Variants in FABP5 observed in about 807,000 individuals in gnomAD.
The protein encoded by FABP5 is fatty acid-binding protein 5.
FABP5 carries 7 observed loss-of-function variants against 16.9 expected under a neutral mutation model. The ratio of observed to expected loss-of-function variants is 0.41; its 90% CI spans 0.24 to 0.78. FABP5 has a LOEUF of 0.78. Ranked by LOEUF, FABP5 falls within the 30% of genes least tolerant of loss-of-function variation. The probability of loss-of-function intolerance (pLI) is 0.30; values close to 1 mark genes in which losing one functional copy is unlikely to be tolerated. For missense variants in FABP5, 119 were observed against 159.5 expected (o/e 0.75, Z 1.37); for synonymous variants, 37 against 52.8 (o/e 0.70, Z 1.30).
Position 81,283,439 on chromosome 8 carries a change from C to T in FABP5, c.153C>T (p.Asn51=), listed in dbSNP as rs781160915. Residue 51 remains asparagine (N), a synonymous_variant, in exon 2 of 4, where the codon AAC becomes AAT. Transcript: ENST00000297258. The stretch of plus-strand genomic sequence containing the variant: ...GTATCATCACTTGTGATGGTAAAAA[C>T]CTCACCATAAAAACTGAGAGCACTT... ...PDCIITCDGK[N]LTIKTESTLK... The T allele has an allele frequency of 5.6e-6, 9 of 1,612,232 alleles. No homozygotes were observed. Among genetic ancestry groups the T allele is most frequent in the Non-Finnish European group, 7.6e-6 (9 of 1,178,906 alleles).
chr8:81,282,683 T>C (rs1807850657), intron 1 of FABP5, among the ~76,000 whole-genome samples: 1 of 152,198 alleles, frequency 6.6e-6, no homozygotes, highest in Non-Finnish European at 1.5e-5. Context: ...ACCTATGAAA[T>C]AGTTTTTATA....
intron 3 of FABP5, chr8:81,284,230 C>T (rs1306100231): frequency 3.7e-6 from 2 of 539,396 alleles, no homozygotes; most frequent in Admixed American, 3.3e-5. Context: ...CTTGGCAAGC[C>T]ACCAAACTGC....
Position 81,281,240 on chromosome 8 carries a change from A to G in FABP5, c.79+566A>G. 1.4e-6 allele frequency: 1 copy of G among 713,632 alleles called. No homozygotes were observed. Among genetic ancestry groups the G allele is most frequent in the Non-Finnish European group, 1.7e-6 (1 of 581,222 alleles). The allele number at this position is 713,632 out of a possible 1,614,324, so 44.2% of individuals were successfully genotyped here. On this transcript the variant is annotated intron_variant, in intron 1 of 3. Coordinates refer to ENST00000297258, the MANE Select transcript of FABP5 (RefSeq NM_001444.3). The surrounding 1 kb of genome is among the most constrained non-coding windows in gnomAD (Gnocchi z 4.5). ...GCGGTGCTGGCGCGCAGTTTCCCGC[A>G]GAAATCCTGTGGAGGGGTCTGAGTG...
At position 81,283,960 on chromosome 8, in the gene FABP5, G is replaced by A. The variant is rs75108814; in HGVS notation, c.340G>A (p.Gly114Arg). 1 of 1,607,438 alleles carries A rather than the reference G, an allele frequency of 6.2e-7. No homozygotes were observed. The highest frequency in any genetic ancestry group is 1.3e-5 in the African/African-American group (1 of 74,708). ...CACAATAACAAGAAAATTGAAAGAT[G>A]GGAAATTAGTGGTGGTAAGTGTCAA... ...ESTITRKLKDGKLVVECVMNN... is the reference protein window; with the variant it reads ...ESTITRKLKDRKLVVECVMNN... The change falls in exon 3 of 4, where the codon GGG (glycine) becomes AGG (arginine). Residue 114 changes from glycine to arginine, a missense_variant. By Grantham distance (125) the Gly-to-Arg change is moderately radical. Transcript: ENST00000297258.
chr8:81,284,375 G>A lies in FABP5; in HGVS notation c.355-139G>A, dbSNP rs1043918734. On this transcript the variant is annotated intron_variant, in intron 3 of 3. Coordinates refer to ENST00000297258, the MANE Select transcript of FABP5 (RefSeq NM_001444.3). ...ACAGCTTCTGGCTTCTCTCAAACCC[G>A]TGAATTCTGAAAGAAATTTTCTCCA... 5.6e-5 allele frequency: 34 copies of A among 608,666 alleles called. No homozygotes were observed. The East Asian group carries it at 8.0e-4, about 14-fold the overall frequency. The allele number at this position is 608,666 out of a possible 1,614,324, so 37.7% of individuals were successfully genotyped here. A position where few individuals can be genotyped will look rare whatever the true frequency, so the allele number is the denominator to read the frequency against.
In FABP5 at chr8:81,281,310, C is replaced by G. The variant is rs1239750816; in HGVS notation, c.79+636C>G. 1 of 977,244 alleles carries G rather than the reference C, an allele frequency of 1.0e-6. No individual in the cohort carries two copies. Among genetic ancestry groups the G allele is most frequent in the African/African-American group, 1.8e-5 (1 of 57,058 alleles). The allele number at this position is 977,244 out of a possible 1,614,324, so 60.5% of individuals were successfully genotyped here. A position where few individuals can be genotyped will look rare whatever the true frequency, so the allele number is the denominator to read the frequency against. ...CATTCCTCTGTCAGCCCCGTCTCCCCCAGGTCCTCTGCTCGCCCTTACCAG... is the reference window on the plus strand; with the variant it reads ...CATTCCTCTGTCAGCCCCGTCTCCCGCAGGTCCTCTGCTCGCCCTTACCAG... On this transcript the variant is annotated intron_variant, in intron 1 of 3. Coordinates refer to ENST00000297258, the MANE Select transcript of FABP5 (RefSeq NM_001444.3). The surrounding 1 kb of genome is among the most constrained non-coding windows in gnomAD (Gnocchi z 4.5).
At position 81,281,996 on chromosome 8, in the gene FABP5, C is replaced by T. The variant is rs2131267783; in HGVS notation, c.79+1322C>T. Among the ~76,000 whole-genome samples, 1 of 152,260 alleles carries T rather than the reference C, an allele frequency of 6.6e-6. No individual in the cohort carries two copies. The highest frequency in any genetic ancestry group is 2.4e-5 in the African/African-American group (1 of 41,530). On this transcript the variant is annotated intron_variant, in intron 1 of 3. Coordinates refer to ENST00000297258, the MANE Select transcript of FABP5 (RefSeq NM_001444.3). The surrounding 1 kb of genome is among the most constrained non-coding windows in gnomAD (Gnocchi z 4.5). ...GTCGCCGTGGCACTTCGGAATCACT[C>T]CTTCAGTACCCTTTATCCAAGACCA...
chr8:81,280,604 A>G lies in FABP5; in HGVS notation c.9A>G (p.Thr3=). 1.3e-6 allele frequency: 2 copies of G among 1,555,662 alleles called. No individual in the cohort carries two copies. The highest frequency in any genetic ancestry group is 1.7e-6 in the Non-Finnish European group (2 of 1,148,784). The change falls in exon 1 of 4, where the codon ACA becomes ACG. Residue 3 remains threonine (T), a synonymous_variant. Transcript: ENST00000297258. ...GCCCGCCCGCACCCACCATGGCCAC[A>G]GTTCAGCAGCTGGAAGGAAGATGGC... The part of the protein sequence containing the change: MA[T]VQQLEGRWRL...
intron 1 of FABP5, 101 bp downstream of exon 1, chr8:81,280,775 C>G (rs1586288326): frequency 8.9e-7 from 1 of 1,118,828 alleles, no homozygotes; most frequent in East Asian, 2.7e-5. Flanking sequence ...AGGAGATGCT[C>G]GGCGGCCTAC....
intron 1 of FABP5, chr8:81,283,123 G>A (rs1317489179): frequency 1.1e-5 from 4 of 348,166 alleles, no homozygotes; most frequent in African/African-American, 2.1e-5. Flanking sequence ...TCCGTGCCTC[G>A]CTTTCTCATC....
chr8:81,284,072 G>A, intron 3 of FABP5, 98 bp downstream of exon 3: 1 of 953,550 alleles, frequency 1.0e-6, no homozygotes, highest in Non-Finnish European at 1.5e-6. Flanking sequence ...ACTCAGTTTG[G>A]AAGAAAAAAA....
At chr8:81,283,241 T>C in intron 1 of FABP5, 125 bp from the exon 2 acceptor site, 1 of 788,114 alleles carries the variant, frequency 1.3e-6, no homozygotes, top group East Asian at 2.7e-5. Context: ...ATGTTTACAA[T>C]AGTTATCAAT....
chr8:81,284,298 A>G, intron 3 of FABP5: 1 of 542,874 alleles, frequency 1.8e-6, no homozygotes, highest in Admixed American at 3.3e-5. Context: ...AAGAATAAAG[A>G]TATATTCAAC....
chr8:81,283,589 GT>G, intron 2 of FABP5, 51 bp downstream of exon 2: 1 of 1,511,714 alleles, frequency 6.6e-7, no homozygotes, highest in Non-Finnish European at 8.9e-7. Context: ...ATGATAGGCT[GT>G]ATCAATAACA....
At chr8:81,284,119 T>C in intron 3 of FABP5, 145 bp downstream of exon 3, 1 of 636,890 alleles carries the variant, frequency 1.6e-6, no homozygotes. Flanking sequence ...ACACTAATTA[T>C]TAAGAAAGTC....
chr8:81,280,736 GT>G, intron 1 of FABP5, 62 bp downstream of exon 1: 4 of 1,451,010 alleles, frequency 2.8e-6, no homozygotes, highest in Non-Finnish European at 3.8e-6. Flanking sequence ...CTGTCCCTAG[GT>G]CCCCGTCAGC....
chr8:81,282,488 C>T (rs1334606547), intron 1 of FABP5, among the ~76,000 whole-genome samples: 2 of 152,240 alleles, frequency 1.3e-5, no homozygotes, highest in African/African-American at 2.4e-5. Context: ...AATCATGCTG[C>T]GTAGGTTGTA....
At chr8:81,282,765 A>G (rs775615645) in intron 1 of FABP5, among the ~76,000 whole-genome samples, 4 of 152,140 alleles carry the variant, frequency 2.6e-5, no homozygotes, top group Non-Finnish European at 4.4e-5. Flanking sequence ...AGATTGTGCT[A>G]TTTGAATATC....
Position 81,281,327 on chromosome 8 carries a change from C to T in FABP5, c.79+653C>T. The T allele has an allele frequency of 1.0e-6, 1 of 985,128 alleles. No individual in the cohort carries two copies. Among genetic ancestry groups the T allele is most frequent in the Non-Finnish European group, 1.2e-6 (1 of 829,646 alleles). The allele number at this position is 985,128 out of a possible 1,614,324, so 61.0% of individuals were successfully genotyped here. ...CGTCTCCCCCAGGTCCTCTGCTCGC[C>T]CTTACCAGTTGAGCCGAACCCTTTG... On this transcript the variant is annotated intron_variant, in intron 1 of 3. Transcript: ENST00000297258. This position sits in a 1 kb window ranked among gnomAD's most constrained non-coding sequence, Gnocchi z 4.5.
Sources: allele counts gnomAD v4.1 joint callset (sites outside exome capture counted in the v4.1 genomes callset), GRCh38; gene constraint gnomAD v4.1.1; non-coding constraint Gnocchi (gnomAD v3.1); transcripts MANE v1.5; gene names NCBI Gene and HGNC (gene_info 2026-07-23, HGNC 2026-07-21).